TMEM59L: variants seen among roughly 807,000 people sequenced by gnomAD.
TMEM59L encodes transmembrane protein 59 like.
TMEM59L carries 31 observed loss-of-function variants against 39.6 expected under a neutral mutation model. The observed-to-expected ratio is 0.78, with a 90% CI of 0.59 to 1.06. TMEM59L has a LOEUF of 1.06. TMEM59L is among the 50% of genes least tolerant of loss of function. The pLI is 0.00. For missense variants in TMEM59L, 441 were observed against 451.3 expected (o/e 0.98, Z 0.21); for synonymous variants, 219 against 202.9 (o/e 1.08, Z -0.68).
intron 4 of TMEM59L, 110 bp downstream of exon 4, chr19:18,616,237 C>A (rs1953020219): frequency 2.2e-6 from 3 of 1,341,016 alleles, no homozygotes; most frequent in African/African-American, 1.4e-5. Context: ...AGTGGGCGAG[C>A]TTCAGGCACA....
chr19:18,613,141 G>T lies in TMEM59L; in HGVS notation c.171+12G>T. 7.9e-7 allele frequency: 1 copy of T among 1,271,600 alleles called. No homozygotes were observed. The highest frequency in any genetic ancestry group is 9.9e-7 in the Non-Finnish European group (1 of 1,011,570). The allele number at this position is 1,271,600 out of a possible 1,614,324, so 78.8% of individuals were successfully genotyped here. On this transcript the variant is annotated intron_variant, in intron 1 of 7. Transcript: ENST00000262817. Reference sequence around the variant, plus strand: ...CGCAGCCCTCGCAGGTGAGGCGCGTGCGGTGCCAGGTGCCAGCGGGGGACG... The same window carrying T: ...CGCAGCCCTCGCAGGTGAGGCGCGTTCGGTGCCAGGTGCCAGCGGGGGACG...
chr19:18,614,902 C>T lies in TMEM59L; in HGVS notation c.408+707C>T, dbSNP rs767330272. On this transcript the variant is annotated intron_variant, in intron 3 of 7. Transcript: ENST00000262817. ...GCCCTTTCCCCACTTCCCCCATTTT[C>T]CTCCACCCCTTCCCAGCTTTCACTG... Among the ~76,000 whole-genome samples the T allele has an allele frequency of 1.7e-4, 26 of 152,320 alleles. 1 individual carries two copies. Among genetic ancestry groups the T allele is most frequent in the Admixed American group, 1.2e-3 (19 of 15,304 alleles).
intron 3 of TMEM59L, among the ~76,000 whole-genome samples, chr19:18,614,656 C>G (rs1476795353): frequency 6.6e-6 from 1 of 152,252 alleles, no homozygotes; most frequent in Admixed American, 6.5e-5. Context: ...GGTCTAAGCC[C>G]TTCCCCTGTG....
In TMEM59L at chr19:18,612,900, G is replaced by A; in HGVS notation, c.-59G>A. On this transcript the variant is annotated 5_prime_UTR_variant, in exon 1 of 8. Coordinates refer to ENST00000262817, the MANE Select transcript of TMEM59L (RefSeq NM_012109.3). The surrounding 1 kb of genome is among the most constrained non-coding windows in gnomAD (Gnocchi z 6.2). ...CGCCCCGGTCCCCGCCGCAGCCGCTGCATCCTCCGTGCCCGGCCTGAGCTG... is the reference window on the plus strand; with the variant it reads ...CGCCCCGGTCCCCGCCGCAGCCGCTACATCCTCCGTGCCCGGCCTGAGCTG... The A allele has an allele frequency of 1.6e-6, 2 of 1,248,220 alleles. No homozygotes were observed. Among genetic ancestry groups the A allele is most frequent in the South Asian group, 3.3e-5 (1 of 30,492 alleles). The allele number at this position is 1,248,220 out of a possible 1,614,324, so 77.3% of individuals were successfully genotyped here.
At chr19:18,613,304 T>A (rs1177509590) in intron 1 of TMEM59L, among the ~76,000 whole-genome samples, 175 bp downstream of exon 1, 11 of 152,164 alleles carry the variant, frequency 7.2e-5, no homozygotes, top group Non-Finnish European at 1.2e-4. Context: ...TGGGGTTCCC[T>A]CTGATGGGGG....
At chr19:18,616,697 TG>T (rs1201863164) in intron 4 of TMEM59L, among the ~76,000 whole-genome samples, 1 of 152,184 alleles carries the variant, frequency 6.6e-6, no homozygotes, top group Non-Finnish European at 1.5e-5. Flanking sequence ...CGGCTCCCTC[TG>T]GGGTTTTAAC....
At chr19:18,617,287 G>C in intron 5 of TMEM59L, 185 bp downstream of exon 5, 3 of 681,858 alleles carry the variant, frequency 4.4e-6, no homozygotes, top group Non-Finnish European at 8.1e-6. Context: ...AGGGTTCCAT[G>C]GTCCACTTCT....
At position 18,620,686 on chromosome 19, in the gene TMEM59L, C is replaced by G; in HGVS notation, c.*150C>G. On this transcript the variant is annotated 3_prime_UTR_variant, in exon 8 of 8. Coordinates refer to ENST00000262817, the MANE Select transcript of TMEM59L (RefSeq NM_012109.3). ...CCTCCCAGTCCCACCCCTTGCCCCACGGAGTCCTGGGGACGCAGTGCCCCA... is the reference window on the plus strand; with the variant it reads ...CCTCCCAGTCCCACCCCTTGCCCCAGGGAGTCCTGGGGACGCAGTGCCCCA... The G allele has an allele frequency of 1.6e-6, 2 of 1,228,200 alleles. No individual in the cohort carries two copies. The highest frequency in any genetic ancestry group is 2.2e-6 in the Non-Finnish European group (2 of 924,424). The allele number at this position is 1,228,200 out of a possible 1,614,324, so 76.1% of individuals were successfully genotyped here.
rs933641261 is a variant in TMEM59L at position 18,618,359 on chromosome 19, C to G, written c.783-16C>G. On this transcript the variant is annotated splice_polypyrimidine_tract_variant and intron_variant, in intron 6 of 7. Coordinates refer to ENST00000262817, the MANE Select transcript of TMEM59L (RefSeq NM_012109.3). ...CCCGGCCTGGGCAGCTGAGTGGTGC[C>G]TGCCGGGCGGGGCAGGCGCTCGGGT... 6.2e-7 allele frequency: 1 copy of G among 1,609,912 alleles called. No homozygotes were observed. Among genetic ancestry groups the G allele is most frequent in the Non-Finnish European group, 8.5e-7 (1 of 1,179,446 alleles).
intron 4 of TMEM59L, among the ~76,000 whole-genome samples, chr19:18,616,364 G>A (rs1259211094): frequency 1.3e-5 from 2 of 148,770 alleles, no homozygotes; most frequent in African/African-American, 2.5e-5. Context: ...AGAGGCTCTA[G>A]GTTACAAACG....
At chr19:18,616,634 T>C (rs1976431110) in intron 4 of TMEM59L, among the ~76,000 whole-genome samples, 1 of 152,072 alleles carries the variant, frequency 6.6e-6, no homozygotes, top group Non-Finnish European at 1.5e-5. Flanking sequence ...CTCAGGTGTT[T>C]CACCTGCCTC....
chr19:18,621,033 TAA>T lies in TMEM59L; in HGVS notation c.*500_*501del, dbSNP rs1976492861. 6.5e-6 allele frequency: 1 copy of T among 153,052 alleles called. No individual in the cohort carries two copies. Among genetic ancestry groups the T allele is most frequent in the Non-Finnish European group, 1.5e-5 (1 of 68,720 alleles). 9.5% of individuals were successfully genotyped at this position (153,052 alleles called of 1,614,324 possible). ...GCTGGGGAGGAATAAACCATGTATATAAAAGAGTTTCAGGCTGAGCCTGCTTC... is the reference window on the plus strand; with the variant it reads ...GCTGGGGAGGAATAAACCATGTATATAAGAGTTTCAGGCTGAGCCTGCTTC... On this transcript the variant is annotated 3_prime_UTR_variant, in exon 8 of 8. Transcript: ENST00000262817.
Position 18,616,997 on chromosome 19 carries a change from C to G in TMEM59L, c.562-3C>G. On this transcript the variant is annotated splice_region_variant and splice_polypyrimidine_tract_variant and intron_variant, in intron 4 of 7. Transcript: ENST00000262817. ...TCTCTGTGCTGTCTTGTTCCTGGCCCAGACTCAGCCCATAGTGGAGAGCCT... is the reference window on the plus strand; with the variant it reads ...TCTCTGTGCTGTCTTGTTCCTGGCCGAGACTCAGCCCATAGTGGAGAGCCT... 1 of 1,604,658 alleles carries G rather than the reference C, an allele frequency of 6.2e-7. No individual in the cohort carries two copies.
rs146713691 is a variant in TMEM59L at position 18,614,186 on chromosome 19, G to A, written c.399G>A (p.Pro133=). 1,211 of 1,597,970 alleles carry A rather than the reference G, an allele frequency of 7.6e-4. 17 individuals carry two copies. The African/African-American group carries it at 0.014, about 18-fold the overall frequency. The change falls in exon 3 of 8, where the codon CCG becomes CCA. Residue 133 remains proline (P), a synonymous_variant. Transcript: ENST00000262817. ...GGAGCCAGCCCGCGGAGCCTGAGCC[G>A]GAGCAGAAGGTGGGCCTCCCACTGC... ...GCWSQPAEPE[P]EQKRKVLEAP... is the part of the protein sequence containing the mutation.
At chr19:18,618,352 G>A (rs199880255) in intron 6 of TMEM59L, 23 bp from the exon 7 acceptor site, 1 of 1,609,902 alleles carries the variant, frequency 6.2e-7, no homozygotes, top group East Asian at 2.2e-5. Flanking sequence ...GGGCAGCTGA[G>A]TGGTGCCTGC....
chr19:18,618,062 T>A, intron 5 of TMEM59L, 93 bp from the exon 6 acceptor site: 1 of 898,382 alleles, frequency 1.1e-6, no homozygotes, highest in Non-Finnish European at 1.8e-6. Context: ...CAGGACTCTA[T>A]GCCCCAGGTC....
intron 1 of TMEM59L, 126 bp downstream of exon 1, chr19:18,613,255 G>T: frequency 1.9e-6 from 2 of 1,049,340 alleles, no homozygotes; most frequent in Non-Finnish European, 2.4e-6. Context: ...GGGGAGGTGG[G>T]GGTCGGGAAT....
intron 3 of TMEM59L, among the ~76,000 whole-genome samples, chr19:18,615,750 G>A (rs1235325214): frequency 6.6e-6 from 1 of 152,200 alleles, no homozygotes. Flanking sequence ...TGAGATTCCA[G>A]GCGTGCGCCA....
Position 18,614,017 on chromosome 19 carries a change from G to A in TMEM59L, c.316+1G>A. On this transcript the variant is annotated splice_donor_variant, in intron 2 of 7. Coordinates refer to ENST00000262817, the MANE Select transcript of TMEM59L (RefSeq NM_012109.3). LOFTEE classifies it high-confidence loss of function. ...GCCACCCAAACTGAGTGTGAAGCAG[G>A]TGAGGGCCCGCCGGCAGGGTGGGCC... is the stretch of plus-strand genomic sequence containing the variant. 5 of 1,613,306 alleles carry A rather than the reference G, an allele frequency of 3.1e-6. No individual in the cohort carries two copies. Among genetic ancestry groups the A allele is most frequent in the East Asian group, 2.2e-5 (1 of 44,874 alleles).
Sources: gnomAD v4.1 joint callset for allele counts (sites outside exome capture counted in the v4.1 genomes callset) on GRCh38, gnomAD v4.1.1 for gene constraint, Gnocchi (gnomAD v3.1) non-coding constraint, MANE v1.5 for transcripts, NCBI Gene and HGNC (gene_info 2026-07-23, HGNC 2026-07-21) for gene names.